FCRLB: variants seen among roughly 807,000 people sequenced by gnomAD.
FCRLB encodes the protein Fc receptor-like B.
Under a neutral mutation model 33.6 loss-of-function variants are expected in FCRLB, and 34 were observed. The ratio of observed to expected loss-of-function variants is 1.01; its 90% CI spans 0.77 to 1.35. The LOEUF is 1.35. Among genes scored for constraint, FCRLB ranks in the 40% most tolerant of loss-of-function variants. The pLI is 0.00. For missense variants in FCRLB, 560 were observed against 580.2 expected, an observed-to-expected ratio of 0.97 and a Z score of 0.36; for synonymous variants, 280 against 255.9, an observed-to-expected ratio of 1.09 and a Z score of -0.90.
chr1:161,723,589 T>C, exon 5 of FCRLB: 6 of 1,614,114 alleles, frequency 3.7e-6, no homozygotes, highest in Non-Finnish European at 5.1e-6. Flanking sequence ...GGAGCACCCG[T>C]CAGTGACCCC....
chr1:161,722,561 A>G (rs1018290453), intron 2 of FCRLB, 92 bp from the exon 3 acceptor site: 98 of 1,221,192 alleles, frequency 8.0e-5, no homozygotes, highest in Non-Finnish European at 1.2e-5. Context: ...TGGGAGAAGC[A>G]GCAATGTCTC....
At chr1:161,725,101 G>A (rs1683496742) in intron 5 of FCRLB, among the ~76,000 whole-genome samples, 1 of 152,186 alleles carries the variant, frequency 6.6e-6, no homozygotes, top group Non-Finnish European at 1.5e-5. Context: ...GGGCAGGAAT[G>A]AATACTGCCA....
Position 161,726,600 on chromosome 1 carries a change from C to G in FCRLB, c.575-103C>G, listed in dbSNP as rs117649845. On this transcript the variant is annotated intron_variant, in intron 6 of 7. Transcript: ENST00000367948. This position sits in a 1 kb window ranked among gnomAD's most constrained non-coding sequence, Gnocchi z 5.2. ...GGACACACGGCCTCCTCCCCTCCCC[C>G]CTTGGTCTGTGGGTCTGCAAGGAGC... 2,864 of 1,476,674 alleles carry G rather than the reference C, an allele frequency of 1.9e-3. 60 individuals carry two copies. The East Asian group carries it at 0.034, about 17-fold the overall frequency. 91.5% of individuals were successfully genotyped at this position (1,476,674 alleles called of 1,614,324 possible).
chr1:161,724,425 TAAAAAA>T (rs3039575), intron 5 of FCRLB, among the ~76,000 whole-genome samples: 1 of 112,608 alleles, frequency 8.9e-6, no homozygotes, highest in African/African-American at 3.6e-5. Context: ...CACTCTCTAC[TAAAAAA>T]AAAAAAAAAA....
chr1:161,727,096 C>A, intron 7 of FCRLB, 103 bp downstream of exon 7: 1 of 1,338,442 alleles, frequency 7.5e-7, no homozygotes, highest in Non-Finnish European at 9.7e-7. Flanking sequence ...CCCGTCCCGC[C>A]CCCCGCCTTT....
intron 2 of FCRLB, 113 bp from the exon 3 acceptor site, chr1:161,722,540 C>A: frequency 3.0e-6 from 3 of 991,284 alleles, no homozygotes; most frequent in Non-Finnish European, 3.1e-6. Flanking sequence ...TCTTCAGGAA[C>A]TAGGAGTGGG....
intron 7 of FCRLB, 117 bp downstream of exon 7, chr1:161,727,110 A>G (rs6658140): frequency 9.1e-5 from 79 of 868,124 alleles, no homozygotes; most frequent in Non-Finnish European, 2.7e-5. Flanking sequence ...CGCCTTTCCC[A>G]TCTCCCCTTC....
rs183600528 is a variant in FCRLB at position 161,727,950 on chromosome 1, A to G, written c.*288A>G. ...TTTAGTCACCCTTAGCCCTTCAGAT[A>G]AGCCTAGCCAGTACATATTTCAGCA... On this transcript the variant is annotated 3_prime_UTR_variant, in exon 8 of 8. Coordinates refer to ENST00000367948, the Ensembl canonical transcript of FCRLB. 124 of 342,490 alleles carry G rather than the reference A, an allele frequency of 3.6e-4. 2 individuals carry two copies. In the Middle Eastern group the frequency reaches 5.6e-3, roughly 16 times the overall value. The allele number at this position is 342,490 out of a possible 1,614,324, so 21.2% of individuals were successfully genotyped here. A position where few individuals can be genotyped will look rare whatever the true frequency, so the allele number is the denominator to read the frequency against.
At position 161,726,110 on chromosome 1, in the gene FCRLB, G is replaced by A; in HGVS notation, c.574+23G>A. The A allele has an allele frequency of 1.2e-6, 2 of 1,605,720 alleles. No individual in the cohort carries two copies. The highest frequency in any genetic ancestry group is 1.7e-6 in the Non-Finnish European group (2 of 1,174,022). On this transcript the variant is annotated intron_variant, in intron 6 of 7. Coordinates refer to ENST00000367948, the Ensembl canonical transcript of FCRLB. The surrounding 1 kb of genome is among the most constrained non-coding windows in gnomAD (Gnocchi z 5.2). ...AAGGTGGGAGAGACCAGGGGCCCCG[G>A]GAGGGAGGCAAATGAGCATTGAGAA... is the stretch of plus-strand genomic sequence containing the variant.
chr1:161,727,175 A>AACCC, intron 7 of FCRLB, 72 bp from the exon 8 acceptor site: 1 of 1,419,914 alleles, frequency 7.0e-7, no homozygotes, highest in Non-Finnish European at 9.3e-7. Context: ...CCACCGCCCT[A>AACCC]CGCCCCTCCC....
rs746191406 is a variant in FCRLB at position 161,726,438 on chromosome 1, G to A, written c.575-265G>A. ...GCAGCGTCTCCTATTCTAGGCTGCA[G>A]AACCCGAGCTGAGTGTCAGTCGGGA... On this transcript the variant is annotated intron_variant, in intron 6 of 7. Coordinates refer to ENST00000367948, the Ensembl canonical transcript of FCRLB. The surrounding 1 kb of genome is among the most constrained non-coding windows in gnomAD (Gnocchi z 5.2). 4 of 723,928 alleles carry A rather than the reference G, an allele frequency of 5.5e-6. No individual in the cohort carries two copies. The highest frequency in any genetic ancestry group is 5.2e-5 in the African/African-American group (3 of 57,702). The allele number at this position is 723,928 out of a possible 1,614,324, so 44.8% of individuals were successfully genotyped here.
At chr1:161,727,095 C>A in intron 7 of FCRLB, 102 bp downstream of exon 7, 2 of 1,323,862 alleles carry the variant, frequency 1.5e-6, no homozygotes, top group Non-Finnish European at 2.0e-6. Context: ...TCCCGTCCCG[C>A]CCCCCGCCTT....
In FCRLB at chr1:161,723,997, G is replaced by A. The variant is rs1228220470; in HGVS notation, c.307+376G>A. 3.3e-5 allele frequency among the ~76,000 whole-genome samples: 5 copies of A among 152,278 alleles called. No homozygotes were observed. The East Asian group carries it at 9.7e-4, about 29-fold the overall frequency. ...CAAACAGGAAAGGTGAGTTTCCCTGGCAGTCTGAGCATAGATCAAGGATCT... is the reference window on the plus strand; with the variant it reads ...CAAACAGGAAAGGTGAGTTTCCCTGACAGTCTGAGCATAGATCAAGGATCT... On this transcript the variant is annotated intron_variant, in intron 5 of 7. Coordinates refer to ENST00000367948, the Ensembl canonical transcript of FCRLB.
exon 8 of FCRLB, chr1:161,727,355 T>C: frequency 6.2e-7 from 1 of 1,613,638 alleles, no homozygotes; most frequent in Non-Finnish European, 8.5e-7. Flanking sequence ...TCCAGATCGG[T>C]CCCGTTGGTC....
chr1:161,724,737 T>C (rs1295947768), intron 5 of FCRLB, among the ~76,000 whole-genome samples: 2 of 152,192 alleles, frequency 1.3e-5, no homozygotes, highest in Non-Finnish European at 1.5e-5. Flanking sequence ...GCATGTGGAT[T>C]GTGGCTATTA....
chr1:161,721,684 G>A (rs1020199406), intron 1 of FCRLB, 23 bp downstream of exon 1: 4 of 152,212 alleles, frequency 2.6e-5, no homozygotes, highest in Non-Finnish European at 4.4e-5. Flanking sequence ...TAGAGTCCAA[G>A]GAGACACACT....
intron 4 of FCRLB, 145 bp from the exon 5 acceptor site, chr1:161,723,222 C>G: frequency 1.8e-6 from 2 of 1,109,612 alleles, no homozygotes; most frequent in Non-Finnish European, 2.6e-6. Flanking sequence ...ATGTGATCTC[C>G]TCTCCTGCAG....
chr1:161,723,366 G>C lies in FCRLB; in HGVS notation c.53-1G>C. On this transcript the variant is annotated splice_acceptor_variant, in intron 4 of 7. Transcript: ENST00000367948. LOFTEE classifies it high-confidence loss of function. ...CCCTCTCACCCCACTCCCCACCCCA[G>C]CTACTCTGGAGAAGCCCATATTGTC... The C allele has an allele frequency of 1.2e-6, 2 of 1,612,960 alleles. No homozygotes were observed. Among genetic ancestry groups the C allele is most frequent in the Admixed American group, 3.3e-5 (2 of 60,002 alleles).
In FCRLB at chr1:161,726,355, A is replaced by T; in HGVS notation, c.574+268A>T. On this transcript the variant is annotated intron_variant, in intron 6 of 7. Transcript: ENST00000367948. This position sits in a 1 kb window ranked among gnomAD's most constrained non-coding sequence, Gnocchi z 5.2. ...CAGAGAGGGCAGCTCTGGCAGGGGC[A>T]GGGGCCACTGTGGGACTGGGACGAA... 2.7e-6 allele frequency: 2 copies of T among 733,650 alleles called. No individual in the cohort carries two copies. The highest frequency in any genetic ancestry group is 4.8e-6 in the Non-Finnish European group (2 of 417,628). 45.4% of individuals were successfully genotyped at this position (733,650 alleles called of 1,614,324 possible). A position where few individuals can be genotyped will look rare whatever the true frequency, so the allele number is the denominator to read the frequency against.
Sources: gnomAD v4.1 joint callset for allele counts (sites outside exome capture counted in the v4.1 genomes callset) on GRCh38, gnomAD v4.1.1 for gene constraint, Gnocchi (gnomAD v3.1) non-coding constraint, MANE v1.5 for transcripts, NCBI Gene and HGNC (gene_info 2026-07-23, HGNC 2026-07-21) for gene names.